GRID2: variants seen among roughly 807,000 people sequenced by gnomAD.
The protein encoded by GRID2 is glutamate receptor ionotropic, delta-2.
A neutral mutation model predicts 114.8 loss-of-function variants in GRID2; 33 were observed. The ratio of observed to expected loss-of-function variants is 0.29; its 90% CI spans 0.22 to 0.38. GRID2 has a LOEUF of 0.38. Ranked by LOEUF, GRID2 falls within the 10% of genes least tolerant of loss-of-function variation. GRID2 has a pLI of 1.00. For synonymous variants in GRID2, 505 were observed against 449.9 expected, an observed-to-expected ratio of 1.12 and a Z score of -1.55; for missense variants, 1,184 against 1,257.7, an observed-to-expected ratio of 0.94 and a Z score of 0.89.
At chr4:92,530,353 C>T (rs1725274228) in intron 1 of GRID2, among the ~76,000 whole-genome samples, 3 of 151,558 alleles carry the variant, frequency 2.0e-5, no homozygotes, top group South Asian at 2.1e-4. Flanking sequence ...TTGTGTGATG[C>T]AATAGGAAAA....
chr4:93,361,513 A>T (rs1016157038), intron 8 of GRID2, among the ~76,000 whole-genome samples: 1 of 150,702 alleles, frequency 6.6e-6, no homozygotes, highest in Non-Finnish European at 1.5e-5. Context: ...TAGGATTTCC[A>T]TTTGATTCTA....
intron 11 of GRID2, among the ~76,000 whole-genome samples, chr4:93,466,880 CTA>C (rs2149428652): frequency 6.6e-6 from 1 of 152,240 alleles, no homozygotes; most frequent in Non-Finnish European, 1.5e-5. Flanking sequence ...GAAACATAAC[CTA>C]TGTTAAATAT....
At chr4:92,848,912 C>A (rs1267667330) in intron 2 of GRID2, among the ~76,000 whole-genome samples, 2 of 151,790 alleles carry the variant, frequency 1.3e-5, no homozygotes, top group Non-Finnish European at 2.9e-5. Context: ...ATCTGCAAGC[C>A]AAAGAGAGAG....
intron 2 of GRID2, among the ~76,000 whole-genome samples, chr4:92,825,054 A>G (rs1741590161): frequency 6.6e-6 from 1 of 152,112 alleles, no homozygotes; most frequent in African/African-American, 2.4e-5. Flanking sequence ...ATTTTTTTTA[A>G]AAGTACTAAC....
At chr4:93,101,781 G>T (rs1020188660) in intron 3 of GRID2, among the ~76,000 whole-genome samples, 1 of 152,002 alleles carries the variant, frequency 6.6e-6, no homozygotes, top group African/African-American at 2.4e-5. Flanking sequence ...GTGGGAAACT[G>T]GCCTAAATAA....
intron 2 of GRID2, among the ~76,000 whole-genome samples, chr4:93,002,909 T>G (rs1721152233): frequency 6.6e-6 from 1 of 151,758 alleles, no homozygotes; most frequent in Admixed American, 6.6e-5. Flanking sequence ...TCACCTGCCT[T>G]CCTTGTTTGC....
intron 6 of GRID2, among the ~76,000 whole-genome samples, chr4:93,222,805 T>A (rs1238616230): frequency 6.6e-6 from 1 of 152,176 alleles, no homozygotes; most frequent in Non-Finnish European, 1.5e-5. Context: ...TCATCATTTT[T>A]TATGGCTACA....
intron 14 of GRID2, among the ~76,000 whole-genome samples, chr4:93,694,552 CTT>C (rs1387436808): frequency 6.6e-6 from 1 of 152,182 alleles, no homozygotes; most frequent in African/African-American, 2.4e-5. Flanking sequence ...TGTTTTAACA[CTT>C]TTTGAAATCC....
At chr4:93,320,200 T>C (rs1452743076) in intron 8 of GRID2, among the ~76,000 whole-genome samples, 1 of 151,922 alleles carries the variant, frequency 6.6e-6, no homozygotes, top group Non-Finnish European at 1.5e-5. Flanking sequence ...GAACATGAAG[T>C]AAGTGGAGGA....
At chr4:92,921,019 C>T (rs1255378042) in intron 2 of GRID2, among the ~76,000 whole-genome samples, 7 of 152,080 alleles carry the variant, frequency 4.6e-5, no homozygotes, top group Admixed American at 4.6e-4. Flanking sequence ...TCACATAGTC[C>T]CATATTTCTT....
intron 9 of GRID2, 143 bp downstream of exon 9, chr4:93,395,851 T>C (rs975261965): frequency 2.2e-5 from 11 of 501,542 alleles, no homozygotes; most frequent in Non-Finnish European, 3.7e-5. Flanking sequence ...AATGGTCATA[T>C]TTCACAGCCT....
At chr4:93,217,362 G>A (rs1482548171) in intron 6 of GRID2, 1 of 154,762 alleles carries the variant, frequency 6.5e-6, no homozygotes, top group Non-Finnish European at 1.4e-5. Flanking sequence ...CTGTAGAATT[G>A]TATGGTCATA....
At chr4:92,856,222 T>A (rs898865245) in intron 2 of GRID2, among the ~76,000 whole-genome samples, 1 of 152,040 alleles carries the variant, frequency 6.6e-6, no homozygotes, top group Non-Finnish European at 1.5e-5. Context: ...CACCAACAAT[T>A]TACACGACAT....
At chr4:93,318,318 A>T (rs1756895575) in intron 8 of GRID2, among the ~76,000 whole-genome samples, 1 of 151,964 alleles carries the variant, frequency 6.6e-6, no homozygotes, top group African/African-American at 2.4e-5. Flanking sequence ...GAATAATGAT[A>T]GATAATCAAA....
intron 13 of GRID2, among the ~76,000 whole-genome samples, chr4:93,554,359 G>T (rs184962004): frequency 6.6e-6 from 1 of 151,760 alleles, no homozygotes; most frequent in Non-Finnish European, 1.5e-5. Context: ...GATACTATTC[G>T]TAGAAGCTTG....
intron 2 of GRID2, among the ~76,000 whole-genome samples, chr4:93,078,740 C>CTG (rs1560855661): frequency 7.8e-4 from 108 of 137,732 alleles, no homozygotes; most frequent in African/African-American, 2.6e-3. Context: ...TATTTATATA[C>CTG]TGTATATACT....
In GRID2 at chr4:92,955,889, C is replaced by T. The variant is rs868219424; in HGVS notation, c.245-129106C>T. Among the ~76,000 whole-genome samples, 103 of 152,230 alleles carry T rather than the reference C, an allele frequency of 6.8e-4. No individual in the cohort carries two copies. The Middle Eastern group carries it at 0.01, about 15-fold the overall frequency. ...TAAATAGGGAATCCTTTCCCCATTGCTTGTTTTTCTCAGTAGAGATAGGAT... is the reference window on the plus strand; with the variant it reads ...TAAATAGGGAATCCTTTCCCCATTGTTTGTTTTTCTCAGTAGAGATAGGAT... On this transcript the variant is annotated intron_variant, in intron 2 of 15. Coordinates refer to ENST00000282020, the MANE Select transcript of GRID2 (RefSeq NM_001510.4).
At chr4:93,171,393 T>C (rs1738808638) in intron 4 of GRID2, among the ~76,000 whole-genome samples, 1 of 152,220 alleles carries the variant, frequency 6.6e-6, no homozygotes, top group Non-Finnish European at 1.5e-5. Flanking sequence ...TTTCTGACTA[T>C]CTAAAATTGA....
intron 2 of GRID2, among the ~76,000 whole-genome samples, chr4:93,008,209 G>A (rs1721764258): frequency 6.6e-6 from 1 of 151,932 alleles, no homozygotes. Flanking sequence ...TTCTTCTAAA[G>A]TGGCGTAAAA....
Sources: gnomAD v4.1 joint callset for allele counts (sites outside exome capture counted in the v4.1 genomes callset) on GRCh38, gnomAD v4.1.1 for gene constraint, MANE v1.5 for transcripts, NCBI Gene and HGNC (gene_info 2026-07-23, HGNC 2026-07-21) for gene names.